XRCC4: variants seen among roughly 807,000 people sequenced by gnomAD.
XRCC4 encodes the protein X-ray repair cross complementing 4, also known as DNA repair protein XRCC4.
In XRCC4, 28 loss-of-function variants were observed where a neutral mutation model predicts 39.1. That is an observed-to-expected ratio of 0.72 (90% CI 0.53 to 0.98). The LOEUF is 0.98. XRCC4 is among the 50% of genes least tolerant of loss of function. The pLI is 0.00. For synonymous variants in XRCC4, 123 were observed against 126.4 expected, an observed-to-expected ratio of 0.97 and a Z score of 0.18; for missense variants, 350 against 376.4, an observed-to-expected ratio of 0.93 and a Z score of 0.58.
At chr5:83,373,894 A>G in the XRCC4 span, among the ~76,000 whole-genome samples, 1 of 152,186 alleles carries the variant, frequency 6.6e-6, no homozygotes, top group Non-Finnish European at 1.5e-5. Context: ...TAGTGATATA[A>G]TCTTTTAAAA....
chr5:83,273,438 C>T (rs910591304), intron 7 of XRCC4, among the ~76,000 whole-genome samples: 7 of 152,000 alleles, frequency 4.6e-5, no homozygotes, highest in Non-Finnish European at 8.8e-5. Flanking sequence ...AGATCCCATT[C>T]GTTAATTTTG....
At chr5:83,225,745 T>C (rs192914900) in intron 6 of XRCC4, among the ~76,000 whole-genome samples, 4 of 151,982 alleles carry the variant, frequency 2.6e-5, no homozygotes, top group Admixed American at 2.0e-4. Flanking sequence ...TGTAAGTTCA[T>C]TGGAAACCAG....
At chr5:83,192,611 G>C (rs1365663817) in intron 3 of XRCC4, among the ~76,000 whole-genome samples, 1 of 151,844 alleles carries the variant, frequency 6.6e-6, no homozygotes, top group Non-Finnish European at 1.5e-5. Flanking sequence ...GCACCTGGCC[G>C]ATTATCAATA....
chr5:83,283,080 A>G (rs1016101258), intron 7 of XRCC4, among the ~76,000 whole-genome samples: 9 of 151,982 alleles, frequency 5.9e-5, no homozygotes, highest in Non-Finnish European at 1.0e-4. Flanking sequence ...TTTTGCAAAA[A>G]AACAAAAAAG....
chr5:83,362,427 T>C, the XRCC4 span, among the ~76,000 whole-genome samples: 1 of 152,184 alleles, frequency 6.6e-6, no homozygotes, highest in Non-Finnish European at 1.5e-5. Context: ...CTGGTTGTCT[T>C]TCCTTAGAAT....
At chr5:83,123,864 C>T (rs1291588301) in intron 3 of XRCC4, among the ~76,000 whole-genome samples, 1 of 150,694 alleles carries the variant, frequency 6.6e-6, no homozygotes, top group East Asian at 1.9e-4. Context: ...ATATCTTATA[C>T]ACTTCACAGT....
intron 4 of XRCC4, among the ~76,000 whole-genome samples, chr5:83,198,209 C>T (rs6875414): frequency 0.078 from 11,925 of 151,956 alleles, 873 homozygotes; most frequent in African/African-American, 0.19. Context: ...GGGAAGCCTC[C>T]GATTATTTTT....
intron 4 of XRCC4, chr5:83,201,682 T>A (rs1284365134): frequency 1.3e-5 from 2 of 151,752 alleles, no homozygotes; most frequent in Admixed American, 1.3e-4. Flanking sequence ...GGACCGGTAA[T>A]GTTCATATGA....
intron 6 of XRCC4, among the ~76,000 whole-genome samples, chr5:83,239,000 C>T (rs1335171646): frequency 6.6e-6 from 1 of 152,146 alleles, no homozygotes; most frequent in African/African-American, 2.4e-5. Flanking sequence ...CTAGACTGTG[C>T]AATTAATAAT....
At chr5:83,162,267 C>T (rs976239645) in intron 3 of XRCC4, among the ~76,000 whole-genome samples, 2 of 152,134 alleles carry the variant, frequency 1.3e-5, no homozygotes, top group African/African-American at 2.4e-5. Context: ...AATTTAAGAT[C>T]GTTTATTTTC....
intron 3 of XRCC4, among the ~76,000 whole-genome samples, chr5:83,118,395 A>G (rs1746844675): frequency 6.6e-6 from 1 of 151,714 alleles, no homozygotes; most frequent in Non-Finnish European, 1.5e-5. Context: ...TCTGACACTT[A>G]GGCTCACAAG....
chr5:83,117,568 A>G (rs377570690), intron 3 of XRCC4, among the ~76,000 whole-genome samples: 14 of 151,646 alleles, frequency 9.2e-5, no homozygotes, highest in African/African-American at 3.4e-4. Flanking sequence ...TCATCTGTGC[A>G]ATTTTTAAGT....
the XRCC4 span, among the ~76,000 whole-genome samples, chr5:83,368,250 C>T: frequency 6.6e-6 from 1 of 152,142 alleles, no homozygotes; most frequent in Non-Finnish European, 1.5e-5. Flanking sequence ...CTTTCTCTCC[C>T]TGAACTACAG....
intron 7 of XRCC4, among the ~76,000 whole-genome samples, chr5:83,261,384 A>C (rs1355638446): frequency 6.6e-6 from 1 of 152,038 alleles, no homozygotes; most frequent in African/African-American, 2.4e-5. Flanking sequence ...AGACTCACAA[A>C]TAAACGCAGA....
chr5:83,206,144 C>T (rs1376077527), intron 6 of XRCC4, among the ~76,000 whole-genome samples: 1 of 152,106 alleles, frequency 6.6e-6, no homozygotes, highest in African/African-American at 2.4e-5. Context: ...GGATTTTAAA[C>T]AGTCAGGTGA....
At chr5:83,161,593 A>G (rs1471200812) in intron 3 of XRCC4, among the ~76,000 whole-genome samples, 1 of 152,206 alleles carries the variant, frequency 6.6e-6, no homozygotes, top group African/African-American at 2.4e-5. Flanking sequence ...TTTCATTTCA[A>G]TTCAAATTAG....
chr5:83,243,407 TG>T (rs1752986685), intron 6 of XRCC4, among the ~76,000 whole-genome samples: 1 of 152,242 alleles, frequency 6.6e-6, no homozygotes, highest in African/African-American at 2.4e-5. Flanking sequence ...TCTCCTTGAC[TG>T]GCACATGGCT....
Position 83,332,361 on chromosome 5 carries a change from G to A in XRCC4, c.894-20770G>A, listed in dbSNP as rs142651729. 1.1e-3 allele frequency among the ~76,000 whole-genome samples: 165 copies of A among 152,088 alleles called. 1 individual carries two copies. Among genetic ancestry groups the A allele is most frequent in the Middle Eastern group, 3.4e-3 (1 of 294 alleles). ...AGTGTCTTTCAATCATTGGACATATGTATGTAGGCACCTTTATCTCTTTTT... is the reference window on the plus strand; with the variant it reads ...AGTGTCTTTCAATCATTGGACATATATATGTAGGCACCTTTATCTCTTTTT... On this transcript the variant is annotated intron_variant, in intron 7 of 7. Coordinates refer to ENST00000396027, the MANE Select transcript of XRCC4 (RefSeq NM_003401.5).
chr5:83,099,800 T>A (rs1275122243), intron 1 of XRCC4, among the ~76,000 whole-genome samples: 2 of 152,156 alleles, frequency 1.3e-5, no homozygotes, highest in Non-Finnish European at 2.9e-5. Flanking sequence ...ATAGCCCTAA[T>A]CAATCAGTCC....
Sources: allele counts gnomAD v4.1 joint callset (sites outside exome capture counted in the v4.1 genomes callset), GRCh38; gene constraint gnomAD v4.1.1; transcripts MANE v1.5; gene names NCBI Gene and HGNC (gene_info 2026-07-23, HGNC 2026-07-21).